The following RPGRIP1 variants were observed in gnomAD, a reference collection of about 807,000 sequenced individuals.
RPGRIP1 encodes X-linked retinitis pigmentosa GTPase regulator-interacting protein 1.
RPGRIP1 carries 128 observed loss-of-function variants against 157.9 expected under a neutral mutation model. The ratio of observed to expected loss-of-function variants is 0.81; its 90% confidence interval spans 0.70 to 0.94. The LOEUF (loss-of-function observed/expected upper bound fraction) is 0.94, where lower values mean the gene tolerates loss of function less well. RPGRIP1 is among the 40% of genes least tolerant of loss of function. The probability of loss-of-function intolerance (pLI) is 0.00; values close to 1 mark genes in which losing one functional copy is unlikely to be tolerated. For synonymous variants in RPGRIP1, 554 were observed against 571.6 expected (o/e 0.97, Z 0.44); for missense variants, 1,486 against 1,545.8 (o/e 0.96, Z 0.65).
rs577547385 is a variant in RPGRIP1, at chr14:21,287,881, C to G, written c.-38-58C>G. The G allele has an allele frequency of 6.0e-4, 448 of 747,010 alleles. 4 individuals carry two copies. The Middle Eastern group carries it at 0.012, about 21-fold the overall frequency. The allele number at this position is 747,010 out of a possible 1,614,324, so 46.3% of individuals were successfully genotyped here. A position where few individuals can be genotyped will look rare whatever the true frequency, so the allele number is the denominator to read the frequency against. The stretch of plus-strand genomic sequence containing the variant: ...AAATTCCTGCTACAACTTATGTACA[C>G]GTTTCAGAAGACATCCTAAAGTTGC... On this transcript the variant is annotated intron_variant, in intron 1 of 24. Coordinates refer to ENST00000400017, the MANE Select transcript of RPGRIP1 (RefSeq NM_020366.4).
At position 21,330,289 on chromosome 14, in the gene RPGRIP1, G is replaced by T. The variant is rs770235549; in HGVS notation, c.3140G>T (p.Ser1047Ile). ...YTEWKFSETN[S>I]FIGDGFKNQH... ...GAGTGGAAGTTCTCAGAGACTAACA[G>T]CTTCATAGGTGATGGCTTTAAAAAT... is the stretch of plus-strand genomic sequence containing the variant. The change falls in exon 20 of 25, where the codon AGC (serine) becomes ATC (isoleucine). Residue 1047 changes from serine (S) to isoleucine (I), a missense_variant. Physicochemically the swap from Ser to Ile is moderately radical, Grantham distance 142 (BLOSUM62 -2). Coordinates refer to ENST00000400017, the MANE Select transcript of RPGRIP1 (RefSeq NM_020366.4). 1.9e-6 allele frequency: 3 copies of T among 1,578,470 alleles called. No homozygotes were observed. The African/African-American group carries it at 4.2e-5, about 22-fold the overall frequency.
At chr14:21,339,966 C>T (rs530789211) in intron 21 of RPGRIP1, among the ~76,000 whole-genome samples, 5 of 151,944 alleles carry the variant, frequency 3.3e-5, no homozygotes, top group South Asian at 2.1e-4. Flanking sequence ...ATAAATAGGG[C>T]GATATAATAG....
At chr14:21,312,547 A>G in intron 10 of RPGRIP1, 41 bp downstream of exon 10, 1 of 1,327,674 alleles carries the variant, frequency 7.5e-7, no homozygotes, top group Non-Finnish European at 1.1e-6. Flanking sequence ...GTTACTATGA[A>G]AGACATTATA....
At chr14:21,291,606 G>A (rs549750157) in intron 2 of RPGRIP1, among the ~76,000 whole-genome samples, 25 of 150,772 alleles carry the variant, frequency 1.7e-4, no homozygotes, top group African/African-American at 5.3e-4. Context: ...TTTGAGACAG[G>A]GTCTTGTTCT....
chr14:21,318,036 C>G (rs1881952426), intron 11 of RPGRIP1, 186 bp downstream of exon 11: 2 of 701,204 alleles, frequency 2.9e-6, no homozygotes, highest in Non-Finnish European at 5.2e-6. Context: ...TGACACTTAC[C>G]TACCTCTCAT....
At chr14:21,295,778 TTTTA>T (rs1197815224) in intron 3 of RPGRIP1, among the ~76,000 whole-genome samples, 1 of 151,784 alleles carries the variant, frequency 6.6e-6, no homozygotes, top group East Asian at 1.9e-4. Context: ...GCCAGCCAAT[TTTTA>T]TTTATTTTTG....
intron 22 of RPGRIP1, among the ~76,000 whole-genome samples, chr14:21,343,892 TTTTTTTTTTTTTTTTG>T: frequency 1.2e-5 from 1 of 84,744 alleles, no homozygotes; most frequent in Non-Finnish European, 2.7e-5. Flanking sequence ...TTTTTTTTTT[TTTTTTTTTTTTTTTTG>T]AGATGGAGTC....
At chr14:21,294,649 G>T (rs1173994967) in intron 2 of RPGRIP1, 28 bp from the exon 3 acceptor site, 1 of 1,609,516 alleles carries the variant, frequency 6.2e-7, no homozygotes, top group Admixed American at 1.7e-5. Context: ...TAAAAATACT[G>T]TCCATTTACT....
At chr14:21,299,213 G>A (rs1880923217) in intron 3 of RPGRIP1, among the ~76,000 whole-genome samples, 2 of 152,018 alleles carry the variant, frequency 1.3e-5, no homozygotes, top group Admixed American at 1.3e-4. Context: ...TGTTAGTCAG[G>A]CTGGTCTCGA....
rs1410684356 is a variant in RPGRIP1, at chr14:21,320,137, C to T, written c.1427C>T (p.Ala476Val). ...SQPPDRQSEP[A>V]THPAVLQENT... Reference sequence around the variant, plus strand: ...CCTCCTGACAGGCAATCTGAACCAGCCACTCACCCAGCTGTATTGCAAGAG... The same window carrying T: ...CCTCCTGACAGGCAATCTGAACCAGTCACTCACCCAGCTGTATTGCAAGAG... Residue 476 changes from alanine (A) to valine (V), a missense_variant, in exon 12 of 25, where the codon GCC (alanine) becomes GTC (valine). By Grantham distance (64) the Ala-to-Val change is moderately conservative (BLOSUM62 0). Coordinates refer to ENST00000400017, the MANE Select transcript of RPGRIP1 (RefSeq NM_020366.4). 6.2e-7 allele frequency: 1 copy of T among 1,613,832 alleles called. No individual in the cohort carries two copies. Among genetic ancestry groups the T allele is most frequent in the African/African-American group, 1.3e-5 (1 of 74,922 alleles).
In RPGRIP1 at chr14:21,328,568, C is replaced by T. The variant is rs751283891; in HGVS notation, c.3040C>T (p.Gln1014Ter). ...RRKHGKRIGV[Q>*]GKNRMEYLSL... Reference sequence around the variant, plus strand: ...AAAACATGGCAAAAGAATAGGTGTTCAAGGAAAGAATAGAATGGAGTATCT... The same window carrying T: ...AAAACATGGCAAAAGAATAGGTGTTTAAGGAAAGAATAGAATGGAGTATCT... The change falls in exon 19 of 25, where the codon CAA (glutamine) becomes TAA (stop). Residue 1014 changes from glutamine (Q) to a stop codon, truncating the protein, a stop_gained. Transcript: ENST00000400017. LOFTEE classifies it high-confidence loss of function. 3.7e-6 allele frequency: 6 copies of T among 1,613,354 alleles called. No individual in the cohort carries two copies. Among genetic ancestry groups the T allele is most frequent in the Non-Finnish European group, 5.1e-6 (6 of 1,179,646 alleles).
At chr14:21,334,401 T>A (rs1484761145) in intron 20 of RPGRIP1, among the ~76,000 whole-genome samples, 1 of 152,062 alleles carries the variant, frequency 6.6e-6, no homozygotes, top group Non-Finnish European at 1.5e-5. Context: ...CCTTTCTTTT[T>A]TTGAGAAGTG....
intron 12 of RPGRIP1, among the ~76,000 whole-genome samples, chr14:21,320,533 C>A (rs1411406503): frequency 1.3e-5 from 2 of 151,486 alleles, no homozygotes; most frequent in African/African-American, 4.9e-5. Flanking sequence ...CCTCGTGATC[C>A]GCCCACCTCG....
chr14:21,349,547 C>T (rs1022151746), intron 24 of RPGRIP1, among the ~76,000 whole-genome samples: 1 of 151,820 alleles, frequency 6.6e-6, no homozygotes, highest in East Asian at 1.9e-4. Flanking sequence ...GGATTACAGG[C>T]ATGAACCACC....
intron 1 of RPGRIP1, among the ~76,000 whole-genome samples, chr14:21,284,220 A>G (rs767973199): frequency 1.8e-4 from 28 of 152,068 alleles, no homozygotes; most frequent in Non-Finnish European, 1.2e-4. Context: ...TCTTCTTTAT[A>G]TTTCTCTGTT....
At chr14:21,345,547 C>T (rs1328434115) in intron 23 of RPGRIP1, among the ~76,000 whole-genome samples, 1 of 151,628 alleles carries the variant, frequency 6.6e-6, no homozygotes, top group Non-Finnish European at 1.5e-5. Flanking sequence ...GGGTTATAGG[C>T]ATGTGCCACC....
At chr14:21,312,259 A>G (rs1037429143) in intron 9 of RPGRIP1, among the ~76,000 whole-genome samples, 174 bp from the exon 10 acceptor site, 1 of 152,176 alleles carries the variant, frequency 6.6e-6, no homozygotes, top group Non-Finnish European at 1.5e-5. Flanking sequence ...TCCCAATACA[A>G]GTTTCTAGCC....
At position 21,312,633 on chromosome 14, in the gene RPGRIP1, A is replaced by T. The variant is rs566112104; in HGVS notation, c.1151+127A>T. On this transcript the variant is annotated intron_variant, in intron 10 of 24. Transcript: ENST00000400017. ...ACTCAATATTGTTAGTGAGAATATT[A>T]ATCGGCAGTCTTTTGGAAGGGAATT... 30 of 576,220 alleles carry T rather than the reference A, an allele frequency of 5.2e-5. No individual in the cohort carries two copies. The African/African-American group carries it at 5.4e-4, about 10-fold the overall frequency. 35.7% of individuals were successfully genotyped at this position (576,220 alleles called of 1,614,324 possible). A position where few individuals can be genotyped will look rare whatever the true frequency, so the allele number is the denominator to read the frequency against.
intron 7 of RPGRIP1, among the ~76,000 whole-genome samples, chr14:21,308,792 T>G (rs1028636708): frequency 6.6e-6 from 1 of 152,070 alleles, no homozygotes; most frequent in Non-Finnish European, 1.5e-5. Flanking sequence ...CTTATATGAG[T>G]AGGCAGGAGG....
Sources: gnomAD v4.1 joint callset for allele counts (sites outside exome capture counted in the v4.1 genomes callset) on GRCh38, gnomAD v4.1.1 for gene constraint, MANE v1.5 for transcripts, NCBI Gene and HGNC (gene_info 2026-07-23, HGNC 2026-07-21) for gene names.